INPP4B: variants seen among roughly 807,000 people sequenced by gnomAD.
INPP4B encodes inositol polyphosphate 4-phosphatase type II.
In INPP4B, 55 loss-of-function variants were observed where a neutral mutation model predicts 122.5. The ratio of observed to expected loss-of-function variants is 0.45; its 90% CI spans 0.36 to 0.56. The LOEUF is 0.56. Among genes scored for constraint, INPP4B ranks in the 20% least tolerant of loss-of-function variants. The pLI, the probability that INPP4B is intolerant of heterozygous loss-of-function variation, is 0.00. For missense variants in INPP4B, 1,000 were observed against 1,097.7 expected (o/e 0.91, Z 1.26); for synonymous variants, 403 against 388.7 (o/e 1.04, Z -0.43).
chr4:142,124,795 TGAAG>T (rs770537635), intron 18 of INPP4B, 35 bp from the exon 19 acceptor site: 1 of 1,417,742 alleles, frequency 7.1e-7, no homozygotes, highest in Non-Finnish European at 9.4e-7. Flanking sequence ...GTGCAATAGA[TGAAG>T]GAAGGTCTTG....
intron 2 of INPP4B, among the ~76,000 whole-genome samples, chr4:142,655,162 C>T (rs556235572): frequency 3.9e-5 from 6 of 152,170 alleles, no homozygotes; most frequent in Admixed American, 3.3e-4. Flanking sequence ...CAATAGAAAA[C>T]CTTCCTAGAT....
intron 9 of INPP4B, among the ~76,000 whole-genome samples, chr4:142,282,564 C>A (rs1396053800): frequency 6.6e-6 from 1 of 152,120 alleles, no homozygotes. Flanking sequence ...CACGTTATAA[C>A]TAATTCAGCT....
chr4:142,738,868 G>T (rs1767465863), intron 1 of INPP4B, among the ~76,000 whole-genome samples: 1 of 152,088 alleles, frequency 6.6e-6, no homozygotes, highest in Non-Finnish European at 1.5e-5. Flanking sequence ...ACTATCTGCT[G>T]TATTCACAAT....
At chr4:142,221,684 C>T (rs1849462613) in intron 12 of INPP4B, among the ~76,000 whole-genome samples, 1 of 152,016 alleles carries the variant, frequency 6.6e-6, no homozygotes, top group Non-Finnish European at 1.5e-5. Flanking sequence ...CAGTCTTGAC[C>T]AGTAGAACTC....
chr4:142,118,369 C>T (rs1334998370), intron 21 of INPP4B, among the ~76,000 whole-genome samples: 8 of 151,906 alleles, frequency 5.3e-5, no homozygotes, highest in Non-Finnish European at 1.2e-4. Flanking sequence ...AAGCTGGAGG[C>T]ATCATGCTAT....
intron 7 of INPP4B, among the ~76,000 whole-genome samples, chr4:142,369,181 T>G (rs1308941692): frequency 6.6e-6 from 1 of 152,130 alleles, no homozygotes; most frequent in African/African-American, 2.4e-5. Flanking sequence ...ATTGTTCTCT[T>G]TGTTGGCAAC....
At chr4:142,306,212 G>C (rs1277135906) in intron 8 of INPP4B, among the ~76,000 whole-genome samples, 1 of 142,464 alleles carries the variant, frequency 7.0e-6, no homozygotes, top group Non-Finnish European at 1.5e-5. Flanking sequence ...TCAATGTAAA[G>C]AATAAAACTC....
intron 14 of INPP4B, among the ~76,000 whole-genome samples, chr4:142,205,326 G>A (rs72720454): frequency 4.0e-3 from 604 of 152,186 alleles, no homozygotes; most frequent in Non-Finnish European, 6.0e-3. Flanking sequence ...TGATGACACT[G>A]TCATCTACCC....
chr4:142,068,672 G>T (rs1011862993), intron 25 of INPP4B, among the ~76,000 whole-genome samples: 1 of 152,054 alleles, frequency 6.6e-6, no homozygotes, highest in Non-Finnish European at 1.5e-5. Context: ...AAAAAGCAGG[G>T]GTTGCCATCC....
At chr4:142,623,029 T>G (rs1329266079) in intron 2 of INPP4B, among the ~76,000 whole-genome samples, 1 of 151,964 alleles carries the variant, frequency 6.6e-6, no homozygotes, top group South Asian at 2.1e-4. Flanking sequence ...AATATCCTCA[T>G]ATCCCAGATT....
chr4:142,198,763 T>A (rs1839466898), intron 14 of INPP4B, among the ~76,000 whole-genome samples: 1 of 152,228 alleles, frequency 6.6e-6, no homozygotes, highest in East Asian at 1.9e-4. Flanking sequence ...GGAAAAATAT[T>A]CTACATATTC....
chr4:142,071,580 C>T (rs1767376566), intron 25 of INPP4B, among the ~76,000 whole-genome samples: 1 of 152,196 alleles, frequency 6.6e-6, no homozygotes. Flanking sequence ...TTTTTACAAT[C>T]TACCCATCTG....
intron 2 of INPP4B, among the ~76,000 whole-genome samples, chr4:142,628,517 C>G (rs1386912335): frequency 8.2e-6 from 1 of 121,794 alleles, no homozygotes; most frequent in Non-Finnish European, 1.6e-5. Flanking sequence ...ACATATGTGA[C>G]TGACCTGCAC....
intron 11 of INPP4B, among the ~76,000 whole-genome samples, chr4:142,248,797 T>C (rs189682395): frequency 2.0e-5 from 3 of 152,172 alleles, no homozygotes; most frequent in African/African-American, 7.2e-5. Flanking sequence ...TTATTCCTTA[T>C]AATGAATTTT....
At chr4:142,109,947 G>A (rs914209232) in intron 22 of INPP4B, among the ~76,000 whole-genome samples, 1 of 152,054 alleles carries the variant, frequency 6.6e-6, no homozygotes, top group Non-Finnish European at 1.5e-5. Flanking sequence ...GGAGAACAGG[G>A]ATACAGACCC....
Position 142,376,981 on chromosome 4 carries a change from T to C in INPP4B, c.372+25957A>G, listed in dbSNP as rs1366534293. ...CAAATCGAGTTAACACTGCTGCAAG[T>C]GCTATGTATAGCCATAATGTTACAT... On this transcript the variant is annotated intron_variant, in intron 7 of 25. Coordinates refer to ENST00000262992, the MANE Select transcript of INPP4B (RefSeq NM_001101669.3). Among the ~76,000 whole-genome samples the C allele has an allele frequency of 4.6e-5, 7 of 152,188 alleles. No individual in the cohort carries two copies. In the South Asian group the frequency reaches 1.4e-3, roughly 32 times the overall value.
At chr4:142,071,663 A>G (rs1281621162) in intron 25 of INPP4B, among the ~76,000 whole-genome samples, 2 of 152,224 alleles carry the variant, frequency 1.3e-5, no homozygotes, top group African/African-American at 4.8e-5. Flanking sequence ...AACCCCATCA[A>G]AAAGTGGGCA....
At chr4:142,623,970 G>T (rs1745623901) in intron 2 of INPP4B, among the ~76,000 whole-genome samples, 1 of 152,104 alleles carries the variant, frequency 6.6e-6, no homozygotes, top group Non-Finnish European at 1.5e-5. Context: ...GTCTATCATT[G>T]TTGGACATTT....
At chr4:142,142,903 A>G (rs902200369) in intron 18 of INPP4B, among the ~76,000 whole-genome samples, 3 of 152,064 alleles carry the variant, frequency 2.0e-5, no homozygotes, top group African/African-American at 7.2e-5. Context: ...GATATAATGA[A>G]TATTTTGAAT....
Sources: allele counts gnomAD v4.1 joint callset (sites outside exome capture counted in the v4.1 genomes callset), GRCh38; gene constraint gnomAD v4.1.1; transcripts MANE v1.5; gene names NCBI Gene and HGNC (gene_info 2026-07-23, HGNC 2026-07-21).